The following MMP26 variants were observed in gnomAD, a reference collection of about 807,000 sequenced individuals.
MMP26 encodes matrix metallopeptidase 26, also known as matrix metalloproteinase-26.
In MMP26, 33 loss-of-function variants were observed where a neutral mutation model predicts 31.0. The observed-to-expected ratio is 1.06, with a 90% CI of 0.81 to 1.42. The LOEUF is 1.42. Among genes scored for constraint, MMP26 ranks in the 40% most tolerant of loss-of-function variants. MMP26 has a pLI of 0.00. For missense variants in MMP26, 347 were observed against 316.1 expected, an observed-to-expected ratio of 1.10 and a Z score of -0.74; for synonymous variants, 122 against 114.9, an observed-to-expected ratio of 1.06 and a Z score of -0.40.
chr11:4,803,503 A>G, intron 2 of MMP26: 2 of 1,614,078 alleles, frequency 1.2e-6, no homozygotes, highest in Non-Finnish European at 1.7e-6. Context: ...TCCATAAATG[A>G]TGGGGTTGAG....
At chr11:4,821,111 T>C (rs769377334) in intron 2 of MMP26, among the ~76,000 whole-genome samples, 7 of 152,156 alleles carry the variant, frequency 4.6e-5, no homozygotes, top group African/African-American at 1.7e-4. Context: ...TTACTGGGGA[T>C]TTATATTGGC....
intron 2 of MMP26, chr11:4,915,001 G>C: frequency 6.2e-7 from 1 of 1,614,130 alleles, no homozygotes; most frequent in South Asian, 1.1e-5. Flanking sequence ...GAGCATAAGA[G>C]AAGAGGATGA....
intron 2 of MMP26, among the ~76,000 whole-genome samples, chr11:4,869,973 C>G (rs1850289222): frequency 6.6e-6 from 1 of 152,076 alleles, no homozygotes; most frequent in Non-Finnish European, 1.5e-5. Flanking sequence ...ATCACAAGGA[C>G]AGAAAACCAA....
At chr11:4,926,644 G>A (rs1851277610) in intron 2 of MMP26, among the ~76,000 whole-genome samples, 1 of 152,172 alleles carries the variant, frequency 6.6e-6, no homozygotes, top group Admixed American at 6.5e-5. Context: ...AAGTCATTCT[G>A]CCTACCTAGT....
chr11:4,857,716 A>C (rs371823484), intron 2 of MMP26, among the ~76,000 whole-genome samples: 15 of 152,236 alleles, frequency 9.9e-5, no homozygotes, highest in East Asian at 1.9e-4. Flanking sequence ...TCCTCCCTAA[A>C]TCATTTTATG....
chr11:4,710,064 A>C, intron 1 of MMP26: 1 of 456,586 alleles, frequency 2.2e-6, no homozygotes, highest in South Asian at 1.5e-5. Flanking sequence ...CCTGCTCCTT[A>C]AGCGCCTCTC....
chr11:4,907,546 G>T, intron 2 of MMP26: 1 of 1,614,066 alleles, frequency 6.2e-7, no homozygotes, highest in Non-Finnish European at 8.5e-7. Flanking sequence ...ATGAGCCCAT[G>T]TATTATTTCC....
chr11:4,877,945 G>A (rs895795913), intron 2 of MMP26: 23 of 152,010 alleles, frequency 1.5e-4, no homozygotes, highest in African/African-American at 5.3e-4. Flanking sequence ...TGACAAATGC[G>A]TTGTGTTCCC....
rs147018668 is a variant in MMP26 at position 4,907,461 on chromosome 11, T to C, written c.-144-80607T>C. 2,078 of 1,613,952 alleles carry C rather than the reference T, an allele frequency of 1.3e-3. 2 individuals carry two copies. The highest frequency in any genetic ancestry group is 1.6e-3 in the Non-Finnish European group (1,919 of 1,179,934). ...GCCCACATTTGGTTCTCCATCCCCA[T>C]TTGCCTCATGTACCTGCTTGCCATC... On this transcript the variant is annotated intron_variant, in intron 2 of 7. Transcript: ENST00000380390.
At chr11:4,823,757 A>G (rs1482742274) in intron 2 of MMP26, among the ~76,000 whole-genome samples, 1 of 152,154 alleles carries the variant, frequency 6.6e-6, no homozygotes, top group Non-Finnish European at 1.5e-5. Flanking sequence ...TAGCATAACA[A>G]CGTAAGAGTT....
At chr11:4,822,084 C>G in intron 2 of MMP26, 1 of 1,613,424 alleles carries the variant, frequency 6.2e-7, no homozygotes, top group Non-Finnish European at 8.5e-7. Flanking sequence ...TCTCCTATAT[C>G]CTGATCATTC....
intron 2 of MMP26, among the ~76,000 whole-genome samples, chr11:4,795,721 A>T (rs1187924428): frequency 2.6e-5 from 4 of 152,212 alleles, no homozygotes; most frequent in Admixed American, 6.5e-5. Flanking sequence ...TTACTTTATT[A>T]TGCCTGTGGG....
At chr11:4,923,767 G>A in intron 2 of MMP26, 2 of 1,614,098 alleles carry the variant, frequency 1.2e-6, no homozygotes, top group Non-Finnish European at 1.7e-6. Context: ...TGATGCTAGA[G>A]CAGGCCAGCT....
At chr11:4,984,931 C>T (rs998287662) in intron 2 of MMP26, among the ~76,000 whole-genome samples, 5 of 152,128 alleles carry the variant, frequency 3.3e-5, no homozygotes, top group East Asian at 1.9e-4. Context: ...TTCAGAACAC[C>T]GGAGAAAGTG....
intron 1 of MMP26, chr11:4,722,848 G>A (rs1042402868): frequency 1.3e-5 from 11 of 854,930 alleles, no homozygotes; most frequent in South Asian, 6.6e-5. Context: ...CTGGAGCCGC[G>A]CCAGAGCCAA....
intron 1 of MMP26, among the ~76,000 whole-genome samples, chr11:4,717,213 T>C (rs566060951): frequency 6.6e-6 from 1 of 152,340 alleles, no homozygotes; most frequent in African/African-American, 2.4e-5. Flanking sequence ...TTTGCACATT[T>C]GTTTTCTGAA....
At chr11:4,766,773 G>T (rs187212334) in intron 1 of MMP26, among the ~76,000 whole-genome samples, 19 of 119,900 alleles carry the variant, frequency 1.6e-4, no homozygotes, top group Admixed American at 7.4e-4. Context: ...TTCCTCCCAC[G>T]GTTTCTCTCT....
rs116300468 is a variant in MMP26 at position 4,757,581 on chromosome 11, A to G, written c.-216-9689A>G. Among the ~76,000 whole-genome samples the G allele has an allele frequency of 2.1e-3, 314 of 148,512 alleles. 1 individual carries two copies. The highest frequency in any genetic ancestry group is 7.4e-3 in the African/African-American group (304 of 41,326). ...TATTTGCATAAAAAACTCATATACAAAAAATGTAAAGAACTCAATAAAGAG... is the reference window on the plus strand; with the variant it reads ...TATTTGCATAAAAAACTCATATACAGAAAATGTAAAGAACTCAATAAAGAG... On this transcript the variant is annotated intron_variant, in intron 1 of 7. Coordinates refer to ENST00000380390, the MANE Select transcript of MMP26 (RefSeq NM_021801.5).
chr11:4,871,346 C>T (rs1290809051), intron 2 of MMP26, among the ~76,000 whole-genome samples: 1 of 152,002 alleles, frequency 6.6e-6, no homozygotes, highest in East Asian at 1.9e-4. Context: ...AACACAATGG[C>T]GTGTGAAACA....
Sources: gnomAD v4.1 joint callset for allele counts (sites outside exome capture counted in the v4.1 genomes callset) on GRCh38, gnomAD v4.1.1 for gene constraint, MANE v1.5 for transcripts, NCBI Gene and HGNC (gene_info 2026-07-23, HGNC 2026-07-21) for gene names.